Variants in FAM210A observed in about 807,000 individuals in gnomAD.
FAM210A encodes the protein family with sequence similarity 210 member A.
FAM210A carries 13 observed loss-of-function variants against 25.3 expected under a neutral mutation model. That is an observed-to-expected ratio of 0.51 (90% CI 0.33 to 0.82). The LOEUF (loss-of-function observed/expected upper bound fraction) is 0.82. Among genes scored for constraint, FAM210A ranks in the 40% least tolerant of loss-of-function variants. The pLI is 0.02. For synonymous variants in FAM210A, 125 were observed against 118.7 expected, an observed-to-expected ratio of 1.05 and a Z score of -0.35; for missense variants, 319 against 323.2, an observed-to-expected ratio of 0.99 and a Z score of 0.10.
chr18:13,677,296 G>A (rs1480768192), intron 2 of FAM210A, among the ~76,000 whole-genome samples: 2 of 152,114 alleles, frequency 1.3e-5, no homozygotes, highest in Non-Finnish European at 2.9e-5. Flanking sequence ...GGATGGTCTG[G>A]ATCTCCTGAC....
At chr18:13,698,370 A>AT (rs989169669) in intron 1 of FAM210A, among the ~76,000 whole-genome samples, 12 of 151,582 alleles carry the variant, frequency 7.9e-5, no homozygotes, top group African/African-American at 2.7e-4. Context: ...AAAAAAAAAA[A>AT]AATAAGAATT....
chr18:13,672,046 C>CA (rs1463734943), intron 2 of FAM210A, 73 bp from the exon 3 acceptor site: 160 of 992,154 alleles, frequency 1.6e-4, no homozygotes, highest in Non-Finnish European at 2.1e-4. Context: ...CTGAAAATAC[C>CA]AAAACCACAC....
chr18:13,723,347 A>G (rs1568491503), intron 1 of FAM210A, among the ~76,000 whole-genome samples: 1 of 152,260 alleles, frequency 6.6e-6, no homozygotes, highest in African/African-American at 2.4e-5. Flanking sequence ...ACAGAGATAC[A>G]GAACTGATAG....
rs1283272498 is a variant in FAM210A, at chr18:13,663,601, G to C, written c.*2879C>G. The C allele has an allele frequency of 6.6e-6, 1 of 152,000 alleles. No individual in the cohort carries two copies. The allele number at this position is 152,000 out of a possible 1,614,324, so 9.4% of individuals were successfully genotyped here. On this transcript the variant is annotated 3_prime_UTR_variant, in exon 4 of 4. Coordinates refer to ENST00000651643, the MANE Select transcript of FAM210A (RefSeq NM_152352.4). ...AAACCCTTTTTGTGCATTTTACACAGGCGAATCTCAGTCCTAGCTCCCTCC... is the reference window on the plus strand; with the variant it reads ...AAACCCTTTTTGTGCATTTTACACACGCGAATCTCAGTCCTAGCTCCCTCC...
At chr18:13,671,474 T>C (rs1787890) in intron 3 of FAM210A, among the ~76,000 whole-genome samples, 150,411 of 152,286 alleles carry the variant, frequency 0.99, 74,278 homozygotes, top group East Asian at 1. Context: ...TAACAATTAT[T>C]TGACCACAGG....
chr18:13,687,042 G>A (rs1448913064), intron 1 of FAM210A, among the ~76,000 whole-genome samples: 2 of 152,172 alleles, frequency 1.3e-5, no homozygotes, highest in Non-Finnish European at 2.9e-5. Context: ...ATCCAGCAAT[G>A]TCTAAAAACT....
At chr18:13,690,066 C>T (rs1468933009) in intron 1 of FAM210A, among the ~76,000 whole-genome samples, 15 of 152,214 alleles carry the variant, frequency 9.9e-5, no homozygotes, top group Non-Finnish European at 1.3e-4. Flanking sequence ...CCTAATACTG[C>T]GCTTTTCCAA....
intron 1 of FAM210A, among the ~76,000 whole-genome samples, chr18:13,713,421 A>G (rs1191720204): frequency 6.6e-6 from 1 of 152,160 alleles, no homozygotes; most frequent in Non-Finnish European, 1.5e-5. Context: ...CTGATTTAAA[A>G]TCTCTCAACC....
At chr18:13,675,354 TA>T (rs2043486317) in intron 2 of FAM210A, among the ~76,000 whole-genome samples, 1 of 116,276 alleles carries the variant, frequency 8.6e-6, no homozygotes, top group African/African-American at 3.1e-5. Context: ...CTGGCTTCTT[TA>T]TTTCCAGTTT....
intron 1 of FAM210A, among the ~76,000 whole-genome samples, chr18:13,720,329 T>C (rs968796008): frequency 6.6e-6 from 1 of 152,178 alleles, no homozygotes; most frequent in Non-Finnish European, 1.5e-5. Flanking sequence ...GTACCTGTTG[T>C]AGAGGCGCCT....
Position 13,663,972 on chromosome 18 carries a change from C to T in FAM210A, c.*2508G>A, listed in dbSNP as rs150757121. On this transcript the variant is annotated 3_prime_UTR_variant, in exon 4 of 4. Transcript: ENST00000651643. The stretch of plus-strand genomic sequence containing the variant: ...GGTCTATTATACATAGCAAACTATA[C>T]TGTATATATTCTCAATTATTTAACT... 1.3e-5 allele frequency: 2 copies of T among 152,276 alleles called. No homozygotes were observed. The highest frequency in any genetic ancestry group is 1.9e-4 in the East Asian group (1 of 5,190). The allele number at this position is 152,276 out of a possible 1,614,324, so 9.4% of individuals were successfully genotyped here. A position where few individuals can be genotyped will look rare whatever the true frequency, so the allele number is the denominator to read the frequency against.
chr18:13,684,397 C>CA (rs1272805512), intron 1 of FAM210A, among the ~76,000 whole-genome samples: 2 of 147,466 alleles, frequency 1.4e-5, no homozygotes, highest in African/African-American at 5.0e-5. Context: ...AGACTCGTCT[C>CA]AAAAAAAGAA....
At chr18:13,716,431 G>A (rs1019302827) in intron 1 of FAM210A, among the ~76,000 whole-genome samples, 2 of 152,160 alleles carry the variant, frequency 1.3e-5, no homozygotes, top group African/African-American at 4.8e-5. Flanking sequence ...ATGTGACTTA[G>A]GGGAGTCTAA....
chr18:13,693,322 G>A (rs1358515275), intron 1 of FAM210A, among the ~76,000 whole-genome samples: 1 of 152,164 alleles, frequency 6.6e-6, no homozygotes, highest in Non-Finnish European at 1.5e-5. Flanking sequence ...GGTACAAAGA[G>A]GAGCTGGTAC....
At chr18:13,672,256 G>C (rs2043449433) in intron 2 of FAM210A, among the ~76,000 whole-genome samples, 1 of 152,162 alleles carries the variant, frequency 6.6e-6, no homozygotes, top group Admixed American at 6.5e-5. Flanking sequence ...GCAGTTATTA[G>C]AATAAAATTA....
intron 2 of FAM210A, among the ~76,000 whole-genome samples, chr18:13,681,074 G>T (rs1427832516): frequency 6.6e-6 from 1 of 152,084 alleles, no homozygotes; most frequent in Non-Finnish European, 1.5e-5. Flanking sequence ...CCATACATAT[G>T]GCAAAATAGA....
chr18:13,671,047 A>G (rs1456727668), intron 3 of FAM210A: 1 of 152,608 alleles, frequency 6.6e-6, no homozygotes, highest in Non-Finnish European at 1.5e-5. Flanking sequence ...TCAACTTTTA[A>G]AATGAAACAT....
At chr18:13,694,436 T>C (rs2043675519) in intron 1 of FAM210A, among the ~76,000 whole-genome samples, 1 of 152,210 alleles carries the variant, frequency 6.6e-6, no homozygotes, top group Admixed American at 6.5e-5. Context: ...AGAACAAAGC[T>C]AGAGGCATCA....
At chr18:13,672,534 G>T (rs2043452373) in intron 2 of FAM210A, among the ~76,000 whole-genome samples, 2 of 152,092 alleles carry the variant, frequency 1.3e-5, no homozygotes, top group Admixed American at 1.3e-4. Flanking sequence ...TCAGCCTCCT[G>T]AGTAGCTGGG....
Sources: gnomAD v4.1 joint callset for allele counts (sites outside exome capture counted in the v4.1 genomes callset) on GRCh38, gnomAD v4.1.1 for gene constraint, MANE v1.5 for transcripts, NCBI Gene and HGNC (gene_info 2026-07-23, HGNC 2026-07-21) for gene names.